The following NCK1 variants were observed in gnomAD, a reference collection of about 807,000 sequenced individuals.
The protein encoded by NCK1 is SH2/SH3 adapter protein NCK1.
Under a neutral mutation model 36.6 loss-of-function variants are expected in NCK1, and 19 were observed. The ratio of observed to expected loss-of-function variants is 0.52; its 90% CI spans 0.36 to 0.76. The LOEUF is 0.76. NCK1 is among the 30% of genes least tolerant of loss of function. The pLI, the probability that NCK1 is intolerant of heterozygous loss-of-function variation, is 0.00. For missense variants in NCK1, 358 were observed against 445.6 expected, an observed-to-expected ratio of 0.80 and a Z score of 1.77; for synonymous variants, 165 against 156.0, an observed-to-expected ratio of 1.06 and a Z score of -0.43.
intron 1 of NCK1, chr3:136,899,293 T>C (rs533824313): frequency 8.2e-6 from 2 of 245,208 alleles, no homozygotes; most frequent in African/African-American, 2.3e-5. Flanking sequence ...TAAATCTCTT[T>C]TGGCGAGGAC....
At chr3:136,881,051 A>C (rs1938919183) in intron 1 of NCK1, among the ~76,000 whole-genome samples, 1 of 152,084 alleles carries the variant, frequency 6.6e-6, no homozygotes, top group Non-Finnish European at 1.5e-5. Context: ...AAGGTGTCAT[A>C]CTTGATACCT....
At chr3:136,872,097 TGGGTAACA>T (rs778106556) in intron 1 of NCK1, among the ~76,000 whole-genome samples, 2 of 152,186 alleles carry the variant, frequency 1.3e-5, no homozygotes, top group Non-Finnish European at 2.9e-5. Context: ...ACTTTGGAAC[TGGGTAACA>T]GGCAGAGGTT....
intron 1 of NCK1, among the ~76,000 whole-genome samples, chr3:136,867,168 C>T (rs1260403649): frequency 5.6e-5 from 3 of 53,486 alleles, no homozygotes; most frequent in South Asian, 1.4e-3. Flanking sequence ...TTCCTTCCTT[C>T]CTTCCTTCCT....
chr3:136,892,834 G>T (rs1939284133), intron 1 of NCK1, among the ~76,000 whole-genome samples: 1 of 152,058 alleles, frequency 6.6e-6, no homozygotes, highest in Non-Finnish European at 1.5e-5. Context: ...ATTTCAGTAG[G>T]TTTTTGGGGA....
chr3:136,891,115 A>G (rs1306822986), intron 1 of NCK1, among the ~76,000 whole-genome samples: 1 of 152,162 alleles, frequency 6.6e-6, no homozygotes. Flanking sequence ...TATATTTACC[A>G]CATGTTGTTT....
chr3:136,910,473 A>G (rs1939805390), intron 1 of NCK1, among the ~76,000 whole-genome samples: 1 of 152,212 alleles, frequency 6.6e-6, no homozygotes, highest in Non-Finnish European at 1.5e-5. Flanking sequence ...TGTTTAAAAA[A>G]TTACAAACTG....
intron 1 of NCK1, among the ~76,000 whole-genome samples, chr3:136,901,682 A>G (rs1029942970): frequency 6.6e-6 from 1 of 152,064 alleles, no homozygotes; most frequent in Admixed American, 6.6e-5. Context: ...CGTTGTTTGT[A>G]ATAGTTTTTA....
At chr3:136,896,785 C>A (rs111805981) in intron 1 of NCK1, among the ~76,000 whole-genome samples, 5 of 151,742 alleles carry the variant, frequency 3.3e-5, no homozygotes, top group African/African-American at 9.6e-5. Flanking sequence ...ACAGACCTAG[C>A]ACTGTGCCTG....
chr3:136,887,444 G>A (rs1418141659), intron 1 of NCK1, among the ~76,000 whole-genome samples: 2 of 152,296 alleles, frequency 1.3e-5, no homozygotes, highest in East Asian at 3.9e-4. Flanking sequence ...TAAAAGGGCA[G>A]GAAGGTGAGG....
At chr3:136,893,178 G>GTATA (rs374545343) in intron 1 of NCK1, among the ~76,000 whole-genome samples, 1 of 34,646 alleles carries the variant, frequency 2.9e-5, no homozygotes, top group African/African-American at 9.9e-5. Context: ...GTGTGTGTGT[G>GTATA]TATATATATA....
chr3:136,926,395 G>A (rs1003647289), intron 1 of NCK1, among the ~76,000 whole-genome samples: 2 of 151,296 alleles, frequency 1.3e-5, no homozygotes, highest in Admixed American at 1.3e-4. Flanking sequence ...CTGCCTCAGC[G>A]TCCCAAGTAG....
At chr3:136,913,041 G>T (rs1939869012) in intron 1 of NCK1, among the ~76,000 whole-genome samples, 1 of 151,550 alleles carries the variant, frequency 6.6e-6, no homozygotes. Context: ...TCTTCTTTTA[G>T]TTCTTTGAAC....
At chr3:136,894,695 G>A (rs1939344844) in intron 1 of NCK1, among the ~76,000 whole-genome samples, 1 of 152,142 alleles carries the variant, frequency 6.6e-6, no homozygotes, top group African/African-American at 2.4e-5. Flanking sequence ...TCTACAGTAA[G>A]TGTAAATCCT....
chr3:136,950,245 C>T lies in NCK1; in HGVS notation c.*1792C>T, dbSNP rs1353654450. ...GTATGTTTCTGGGTTTTCCCCCAGTCTTCCTTATGAAAAAAATGTATGTTT... is the reference window on the plus strand; with the variant it reads ...GTATGTTTCTGGGTTTTCCCCCAGTTTTCCTTATGAAAAAAATGTATGTTT... On this transcript the variant is annotated 3_prime_UTR_variant, in exon 4 of 4. Transcript: ENST00000481752. Among the ~76,000 whole-genome samples the T allele has an allele frequency of 2.0e-5, 3 of 152,058 alleles. No homozygotes were observed. The highest frequency in any genetic ancestry group is 4.4e-5 in the Non-Finnish European group (3 of 67,940).
chr3:136,877,721 A>C (rs1938813475), intron 1 of NCK1, among the ~76,000 whole-genome samples: 1 of 152,190 alleles, frequency 6.6e-6, no homozygotes. Flanking sequence ...CTGATGGGAA[A>C]CTTCTTAGTG....
intron 3 of NCK1, among the ~76,000 whole-genome samples, chr3:136,947,751 GT>G (rs1940865978): frequency 6.6e-6 from 1 of 152,044 alleles, no homozygotes; most frequent in African/African-American, 2.4e-5. Flanking sequence ...AGGCATTTGA[GT>G]TTGTAGCCTC....
At chr3:136,920,665 A>T (rs1044941560) in intron 1 of NCK1, among the ~76,000 whole-genome samples, 2 of 152,178 alleles carry the variant, frequency 1.3e-5, no homozygotes, top group Admixed American at 1.3e-4. Context: ...TAATCTGAAG[A>T]TTATTACATT....
intron 3 of NCK1, among the ~76,000 whole-genome samples, chr3:136,946,749 C>G (rs1365890604): frequency 1.3e-5 from 2 of 152,160 alleles, no homozygotes; most frequent in Non-Finnish European, 2.9e-5. Flanking sequence ...TATTAAGTTT[C>G]TTCATAAATT....
At chr3:136,896,604 C>G (rs1939398806) in intron 1 of NCK1, among the ~76,000 whole-genome samples, 1 of 152,146 alleles carries the variant, frequency 6.6e-6, no homozygotes, top group South Asian at 2.1e-4. Flanking sequence ...GTGGTGCAAT[C>G]ATGGCTCACT....
Sources: gnomAD v4.1 joint callset for allele counts (sites outside exome capture counted in the v4.1 genomes callset) on GRCh38, gnomAD v4.1.1 for gene constraint, MANE v1.5 for transcripts, NCBI Gene and HGNC (gene_info 2026-07-23, HGNC 2026-07-21) for gene names.